ACSM3: variants seen among roughly 807,000 people sequenced by gnomAD.
ACSM3 encodes the protein acyl-CoA synthetase medium chain family member 3.
A neutral mutation model predicts 74.1 loss-of-function variants in ACSM3; 61 were observed. The observed-to-expected ratio is 0.82, with a 90% confidence interval of 0.67 to 1.02. The LOEUF is 1.02. ACSM3 is among the 50% of genes least tolerant of loss of function. The pLI is 0.00. For synonymous variants in ACSM3, 213 were observed against 241.5 expected (o/e 0.88, Z 1.09); for missense variants, 660 against 697.0 (o/e 0.95, Z 0.60).
At chr16:20,791,486 A>T (rs1596538557) in intron 10 of ACSM3, among the ~76,000 whole-genome samples, 1 of 152,236 alleles carries the variant, frequency 6.6e-6, no homozygotes, top group East Asian at 1.9e-4. Context: ...AGATGGAAAC[A>T]TGACTAATCT....
chr16:20,685,242 C>G, intron 1 of ACSM3: 2 of 1,614,194 alleles, frequency 1.2e-6, no homozygotes, highest in Non-Finnish European at 1.7e-6. Context: ...GAACTCGAGG[C>G]AGCATCAAGG....
chr16:20,765,868 C>G (rs2080120428), intron 1 of ACSM3, among the ~76,000 whole-genome samples: 1 of 152,180 alleles, frequency 6.6e-6, no homozygotes, highest in African/African-American at 2.4e-5. Context: ...CCTAGAGAGA[C>G]CTCCTAAAAG....
chr16:20,773,062 T>C (rs575106002), intron 2 of ACSM3, among the ~76,000 whole-genome samples: 53 of 152,220 alleles, frequency 3.5e-4, no homozygotes, highest in African/African-American at 1.3e-3. Flanking sequence ...TGATTCAATC[T>C]CATTACATAT....
intron 3 of ACSM3, chr16:20,755,676 G>A (rs1460383543): frequency 6.8e-6 from 1 of 146,546 alleles, no homozygotes; most frequent in African/African-American, 2.6e-5. Context: ...GGGTACATGT[G>A]CACAATGTGC....
intron 3 of ACSM3, among the ~76,000 whole-genome samples, chr16:20,758,372 T>C (rs1037531327): frequency 2.6e-5 from 4 of 152,356 alleles, no homozygotes; most frequent in Non-Finnish European, 4.4e-5. Flanking sequence ...GGAGAGTGTA[T>C]GTGTCGAGGA....
At chr16:20,676,916 A>G (rs2020316409) in intron 1 of ACSM3, among the ~76,000 whole-genome samples, 1 of 152,200 alleles carries the variant, frequency 6.6e-6, no homozygotes, top group Non-Finnish European at 1.5e-5. Flanking sequence ...GAGAAACCCA[A>G]GACTCCCTGC....
chr16:20,692,995 C>G (rs1382323713), intron 1 of ACSM3, among the ~76,000 whole-genome samples: 3 of 151,832 alleles, frequency 2.0e-5, no homozygotes, highest in African/African-American at 4.8e-5. Context: ...ATGATGAAAC[C>G]CTGTCTCTAC....
At chr16:20,731,892 G>C (rs2079832655) in intron 1 of ACSM3, among the ~76,000 whole-genome samples, 1 of 152,154 alleles carries the variant, frequency 6.6e-6, no homozygotes, top group African/African-American at 2.4e-5. Flanking sequence ...TGTTTTGTTA[G>C]AACAGTATAA....
intron 1 of ACSM3, chr16:20,736,920 G>A: frequency 5.0e-6 from 8 of 1,614,122 alleles, no homozygotes; most frequent in Non-Finnish European, 6.8e-6. Context: ...TCCTTCTGTG[G>A]CTTGACTTGC....
intron 1 of ACSM3, chr16:20,711,655 TGGC>T: frequency 1.4e-6 from 1 of 739,550 alleles, no homozygotes. Flanking sequence ...CCGGAACAGG[TGGC>T]TCAGTTTCCA....
chr16:20,731,703 GA>G (rs1240293110), intron 1 of ACSM3: 9 of 404,678 alleles, frequency 2.2e-5, no homozygotes, highest in South Asian at 9.2e-5. Context: ...AGGATCATGT[GA>G]AAAAAATCAA....
intron 2 of ACSM3, among the ~76,000 whole-genome samples, chr16:20,752,684 A>G (rs986633730): frequency 2.9e-4 from 44 of 152,200 alleles, no homozygotes; most frequent in Admixed American, 2.9e-3. Flanking sequence ...AACCTGATCT[A>G]TTTTTAGAGA....
chr16:20,791,947 A>T, intron 10 of ACSM3, 55 bp from the exon 11 acceptor site: 1 of 1,580,540 alleles, frequency 6.3e-7, no homozygotes, highest in Admixed American at 1.9e-5. Context: ...AAAAAATTCC[A>T]ATTGACCAGA....
chr16:20,691,222 T>C (rs1275117888), intron 1 of ACSM3: 10 of 1,505,498 alleles, frequency 6.6e-6, no homozygotes, highest in Non-Finnish European at 8.9e-6. Flanking sequence ...GGCACAGAGT[T>C]CTCAAGTCAC....
chr16:20,756,048 A>G (rs1006361327), intron 3 of ACSM3, among the ~76,000 whole-genome samples: 9 of 152,040 alleles, frequency 5.9e-5, no homozygotes, highest in Non-Finnish European at 1.0e-4. Flanking sequence ...GGACATTTGG[A>G]TTGGTTCCAA....
intron 1 of ACSM3, chr16:20,711,340 T>C (rs922317545): frequency 1.3e-5 from 5 of 389,896 alleles, no homozygotes; most frequent in Admixed American, 7.4e-5. Flanking sequence ...TACAATATCA[T>C]TGGAGAATCA....
chr16:20,772,204 C>A (rs541199325), intron 2 of ACSM3, among the ~76,000 whole-genome samples: 1 of 152,206 alleles, frequency 6.6e-6, no homozygotes, highest in East Asian at 1.9e-4. Context: ...CTTGTCTCTT[C>A]TCTCTGTTGA....
chr16:20,749,158 A>T (rs999311053), intron 1 of ACSM3: 1 of 152,164 alleles, frequency 6.6e-6, no homozygotes, highest in African/African-American at 2.4e-5. Flanking sequence ...CTATGTGCAC[A>T]TAGATATACA....
intron 1 of ACSM3, 38 bp downstream of exon 1, chr16:20,764,163 G>A (rs963596989): frequency 2.0e-5 from 3 of 152,162 alleles, no homozygotes; most frequent in African/African-American, 4.8e-5. Flanking sequence ...AAGATTTCCT[G>A]AACTGGCACA....
Sources: allele counts gnomAD v4.1 joint callset (sites outside exome capture counted in the v4.1 genomes callset), GRCh38; gene constraint gnomAD v4.1.1; transcripts MANE v1.5; gene names NCBI Gene and HGNC (gene_info 2026-07-23, HGNC 2026-07-21).